DSCAML1: variants seen among roughly 807,000 people sequenced by gnomAD.
DSCAML1 encodes the protein DS cell adhesion molecule like 1.
DSCAML1 carries 38 observed loss-of-function variants against 200.5 expected under a neutral mutation model. That is an observed-to-expected ratio of 0.19 (90% CI 0.15 to 0.25). The LOEUF (loss-of-function observed/expected upper bound fraction) is 0.25, where lower values mean the gene tolerates loss of function less well. Among genes scored for constraint, DSCAML1 ranks in the 10% least tolerant of loss-of-function variants. The probability of loss-of-function intolerance (pLI) is 1.00; values close to 1 mark genes in which losing one functional copy is unlikely to be tolerated. For synonymous variants in DSCAML1, 1,215 were observed against 1,165.0 expected, an observed-to-expected ratio of 1.04 and a Z score of -0.87; for missense variants, 2,223 against 2,858.8, an observed-to-expected ratio of 0.78 and a Z score of 5.07.
At position 117,598,777 on chromosome 11, in the gene DSCAML1, G is replaced by C. The variant is rs201909569; in HGVS notation, c.512-66255C>G. Among the ~76,000 whole-genome samples the C allele has an allele frequency of 3.7e-4, 56 of 152,298 alleles. No homozygotes were observed. In the East Asian group the frequency reaches 9.3e-3, roughly 25 times the overall value. The stretch of plus-strand genomic sequence containing the variant: ...CAGCGCCAACTTTCCTGGGCACAAA[G>C]CGAGTTTGTCATGATCTCAAAATCA... On this transcript the variant is annotated intron_variant, in intron 3 of 32. Transcript: ENST00000651296.
chr11:117,705,281 G>A (rs2053740462), intron 3 of DSCAML1, among the ~76,000 whole-genome samples: 1 of 152,146 alleles, frequency 6.6e-6, no homozygotes, highest in Non-Finnish European at 1.5e-5. Context: ...CAGACTGAGG[G>A]TCTAAATTTG....
At chr11:117,622,555 C>T (rs1445852308) in intron 3 of DSCAML1, among the ~76,000 whole-genome samples, 4 of 152,152 alleles carry the variant, frequency 2.6e-5, no homozygotes, top group African/African-American at 4.8e-5. Context: ...ATGGACCATC[C>T]TTCACACGTG....
intron 11 of DSCAML1, among the ~76,000 whole-genome samples, chr11:117,497,513 G>C (rs2049313708): frequency 6.6e-6 from 1 of 152,264 alleles, no homozygotes; most frequent in South Asian, 2.1e-4. Context: ...GCAGGAGTCA[G>C]AGTGTTGCTC....
intron 3 of DSCAML1, among the ~76,000 whole-genome samples, chr11:117,741,594 A>G (rs2054424398): frequency 6.6e-6 from 1 of 152,240 alleles, no homozygotes; most frequent in Non-Finnish European, 1.5e-5. Context: ...AGGCTCAAAG[A>G]TGTGTGGGAA....
chr11:117,760,858 C>A (rs973117980), intron 3 of DSCAML1, among the ~76,000 whole-genome samples: 1 of 152,288 alleles, frequency 6.6e-6, no homozygotes, highest in South Asian at 2.1e-4. Flanking sequence ...TATTCCAGCC[C>A]CTTCACTTAC....
At chr11:117,592,999 T>G (rs944646407) in intron 3 of DSCAML1, among the ~76,000 whole-genome samples, 3 of 152,258 alleles carry the variant, frequency 2.0e-5, no homozygotes, top group Non-Finnish European at 2.9e-5. Flanking sequence ...CTAATGATAC[T>G]TACCCCAGAG....
chr11:117,780,967 T>TG lies in DSCAML1; in HGVS notation c.47-158dup, dbSNP rs2055246987. On this transcript the variant is annotated intron_variant, in intron 1 of 32. Coordinates refer to ENST00000651296, the MANE Select transcript of DSCAML1 (RefSeq NM_020693.4). This position sits in a 1 kb window ranked among gnomAD's most constrained non-coding sequence, Gnocchi z 4.8. The stretch of plus-strand genomic sequence containing the variant: ...TGAGCACTGACTATACACCAGGCAC[T>TG]GGCAAAGGTGAATCAGAGACAGTTC... 6.6e-6 allele frequency among the ~76,000 whole-genome samples: 1 copy of TG among 152,268 alleles called. No homozygotes were observed. The highest frequency in any genetic ancestry group is 1.9e-4 in the East Asian group (1 of 5,182).
intron 11 of DSCAML1, among the ~76,000 whole-genome samples, chr11:117,497,385 G>C (rs528412190): frequency 7.2e-5 from 11 of 152,318 alleles, no homozygotes; most frequent in Admixed American, 4.6e-4. Flanking sequence ...CAGACCTCCT[G>C]GCGAGGGCCC....
intron 11 of DSCAML1, among the ~76,000 whole-genome samples, chr11:117,486,194 TG>T (rs576579946): frequency 3.3e-5 from 5 of 152,120 alleles, no homozygotes; most frequent in Admixed American, 3.3e-4. Flanking sequence ...TTAGCTAAAC[TG>T]GGTCTGCTGA....
At chr11:117,560,516 A>G (rs2050641936) in intron 3 of DSCAML1, among the ~76,000 whole-genome samples, 1 of 152,212 alleles carries the variant, frequency 6.6e-6, no homozygotes, top group Admixed American at 6.5e-5. Flanking sequence ...CTGAGGACAG[A>G]CAGTTAACTC....
rs578160497 is a variant in DSCAML1, at chr11:117,626,232, G to T, written c.512-93710C>A. Reference sequence around the variant, plus strand: ...CCCTCCTTCTTCTGGCATGAGACCTGGTCAAAGAATCAGCCCAAGTTATCA... The same window carrying T: ...CCCTCCTTCTTCTGGCATGAGACCTTGTCAAAGAATCAGCCCAAGTTATCA... On this transcript the variant is annotated intron_variant, in intron 3 of 32. Transcript: ENST00000651296. 4.1e-5 allele frequency among the ~76,000 whole-genome samples: 6 copies of T among 147,648 alleles called. No homozygotes were observed. The South Asian group carries it at 1.3e-3, about 32-fold the overall frequency.
intron 3 of DSCAML1, among the ~76,000 whole-genome samples, chr11:117,650,722 A>T (rs2052616174): frequency 7.8e-6 from 1 of 127,922 alleles, no homozygotes; most frequent in African/African-American, 2.9e-5. Flanking sequence ...TGTGGTGGGG[A>T]TTGGGGTTCC....
chr11:117,606,407 T>C (rs574166875), intron 3 of DSCAML1, among the ~76,000 whole-genome samples: 1 of 152,368 alleles, frequency 6.6e-6, no homozygotes, highest in East Asian at 1.9e-4. Flanking sequence ...CTGCTCCGCT[T>C]GTGAATAGCT....
rs139729926 is a variant in DSCAML1 at position 117,586,695 on chromosome 11, T to C, written c.512-54173A>G. On this transcript the variant is annotated intron_variant, in intron 3 of 32. Transcript: ENST00000651296. ...CTTGGAGAATTCATGCCTGCTTCCA[T>C]GATGGGTTTATAAGGGCAGGGAGAG... 2.6e-5 allele frequency among the ~76,000 whole-genome samples: 4 copies of C among 152,248 alleles called. No homozygotes were observed. In the East Asian group the frequency reaches 7.7e-4, roughly 29 times the overall value.
rs1555183488 is a variant in DSCAML1 at position 117,545,234 on chromosome 11, A to AAAAAC, written c.512-12713_512-12712insGTTTT. Reference sequence around the variant, plus strand: ...GACAGAGCAAGATTCCGTAAAAAAAAACACACACACACACACACACACACA... The same window carrying AAAAAC: ...GACAGAGCAAGATTCCGTAAAAAAAAAAAACACACACACACACACACACACACACA... On this transcript the variant is annotated intron_variant, in intron 3 of 32. Transcript: ENST00000651296. 7.7e-5 allele frequency among the ~76,000 whole-genome samples: 11 copies of AAAAAC among 143,478 alleles called. 1 individual carries two copies. Among genetic ancestry groups the AAAAAC allele is most frequent in the African/African-American group, 3.1e-4 (11 of 35,886 alleles). The allele number at this position is 143,478 out of a possible 152,430, so 94.1% of individuals were successfully genotyped here. A position where few individuals can be genotyped will look rare whatever the true frequency, so the allele number is the denominator to read the frequency against.
chr11:117,509,432 T>C (rs1565751100), intron 8 of DSCAML1, among the ~76,000 whole-genome samples: 1 of 152,162 alleles, frequency 6.6e-6, no homozygotes, highest in South Asian at 2.1e-4. Context: ...CAGAGGGCTG[T>C]TGGGAGGCAG....
Position 117,780,499 on chromosome 11 carries a change from T to G in DSCAML1, c.358A>C (p.Lys120Gln). 1 of 1,448,152 alleles carries G rather than the reference T, an allele frequency of 6.9e-7. No individual in the cohort carries two copies. Among genetic ancestry groups the G allele is most frequent in the Non-Finnish European group, 9.1e-7 (1 of 1,095,078 alleles). The allele number at this position is 1,448,152 out of a possible 1,614,324, so 89.7% of individuals were successfully genotyped here. Reference protein sequence around the residue: ...GKIRSPNIRVKAVFREPYTVR... With the variant: ...GKIRSPNIRVQAVFREPYTVR... ...CCAGTGTCTTGTCCCTTACCTGCTT[T>G]GACGCGGATGTTGGGGCTCCGGATC... Residue 120 changes from lysine to glutamine, a missense_variant, in exon 2 of 33, where the codon AAA becomes CAA. Coordinates refer to ENST00000651296, the MANE Select transcript of DSCAML1 (RefSeq NM_020693.4). The surrounding 1 kb of genome is among the most constrained non-coding windows in gnomAD (Gnocchi z 4.8).
At chr11:117,687,730 G>A (rs1296421693) in intron 3 of DSCAML1, among the ~76,000 whole-genome samples, 1 of 152,178 alleles carries the variant, frequency 6.6e-6, no homozygotes, top group Admixed American at 6.5e-5. Flanking sequence ...TCAGAGCTTA[G>A]AAGTGTAGTC....
intron 3 of DSCAML1, among the ~76,000 whole-genome samples, chr11:117,718,597 A>G (rs2053991186): frequency 6.6e-6 from 1 of 150,378 alleles, no homozygotes; most frequent in African/African-American, 2.4e-5. Context: ...GTGATTCAGG[A>G]AGGTGTATGA....
Sources: allele counts gnomAD v4.1 joint callset (sites outside exome capture counted in the v4.1 genomes callset), GRCh38; gene constraint gnomAD v4.1.1; non-coding constraint Gnocchi (gnomAD v3.1); transcripts MANE v1.5; gene names NCBI Gene and HGNC (gene_info 2026-07-23, HGNC 2026-07-21).